RPS6KA2: variants seen among roughly 807,000 people sequenced by gnomAD.
RPS6KA2 encodes the protein ribosomal protein S6 kinase A2.
In RPS6KA2, 42 loss-of-function variants were observed where a neutral mutation model predicts 91.8. That is an observed-to-expected ratio of 0.46 (90% confidence interval 0.36 to 0.59). RPS6KA2 has a LOEUF of 0.59. Ranked by LOEUF, RPS6KA2 falls within the 20% of genes least tolerant of loss-of-function variation. RPS6KA2 has a pLI of 0.00. For synonymous variants in RPS6KA2, 414 were observed against 393.6 expected, an observed-to-expected ratio of 1.05 and a Z score of -0.61; for missense variants, 798 against 978.5, an observed-to-expected ratio of 0.82 and a Z score of 2.46.
rs1033882509 is a variant in RPS6KA2 at position 166,557,565 on chromosome 6, T to A, written c.100-18781A>T. ...CCTTAGAGTTTCTCTGGCACCTTTGTCAAATGACAGAAAAATCAGCTTTTG... is the reference window on the plus strand; with the variant it reads ...CCTTAGAGTTTCTCTGGCACCTTTGACAAATGACAGAAAAATCAGCTTTTG... On this transcript the variant is annotated intron_variant, in intron 1 of 20. Coordinates refer to ENST00000265678, the MANE Select transcript of RPS6KA2 (RefSeq NM_021135.6). The surrounding 1 kb of genome is among the most constrained non-coding windows in gnomAD (Gnocchi z 4.8). 6.6e-6 allele frequency among the ~76,000 whole-genome samples: 1 copy of A among 152,240 alleles called. No individual in the cohort carries two copies. The highest frequency in any genetic ancestry group is 1.5e-5 in the Non-Finnish European group (1 of 68,054).
intron 8 of RPS6KA2, among the ~76,000 whole-genome samples, chr6:166,491,037 T>C (rs546390882): frequency 6.6e-6 from 1 of 152,294 alleles, no homozygotes; most frequent in Admixed American, 6.5e-5. Context: ...CAGGGTCCTG[T>C]GGTCAGGCAG....
At chr6:166,453,816 G>A (rs1583156250) in intron 12 of RPS6KA2, among the ~76,000 whole-genome samples, 1 of 152,188 alleles carries the variant, frequency 6.6e-6, no homozygotes, top group Non-Finnish European at 1.5e-5. Context: ...CCATCAACAG[G>A]TGATTGGGTA....
At chr6:166,847,944 C>G (rs1780647193) in intron 2 of RPS6KA2, among the ~76,000 whole-genome samples, 1 of 152,118 alleles carries the variant, frequency 6.6e-6, no homozygotes, top group South Asian at 2.1e-4. Flanking sequence ...TTCTGCACAG[C>G]AAAAGAAATG....
Position 166,419,786 on chromosome 6 carries a change from C to A in RPS6KA2, c.1820+96G>T. The A allele has an allele frequency of 8.8e-7, 1 of 1,136,090 alleles. No individual in the cohort carries two copies. 70.4% of individuals were successfully genotyped at this position (1,136,090 alleles called of 1,614,324 possible). On this transcript the variant is annotated intron_variant, in intron 18 of 20. Transcript: ENST00000265678. The surrounding 1 kb of genome is among the most constrained non-coding windows in gnomAD (Gnocchi z 5.6). ...CACGTTGGGTTTGCCCACATGCGCA[C>A]ACTAGGACAGGGCTGGCCCTGGTCC...
chr6:166,546,208 AC>A (rs1783822770), intron 1 of RPS6KA2, among the ~76,000 whole-genome samples: 3 of 152,182 alleles, frequency 2.0e-5, no homozygotes, highest in Non-Finnish European at 4.4e-5. Context: ...ATGCACAGGA[AC>A]GATCTCCGAG....
intron 1 of RPS6KA2, among the ~76,000 whole-genome samples, chr6:166,605,718 T>A (rs116673693): frequency 3.9e-4 from 59 of 151,752 alleles, no homozygotes; most frequent in Middle Eastern, 3.4e-3. Flanking sequence ...CAGATACACC[T>A]CCCTCCACAC....
intron 2 of RPS6KA2, among the ~76,000 whole-genome samples, chr6:166,809,905 G>C (rs1173395316): frequency 3.9e-5 from 6 of 152,196 alleles, no homozygotes; most frequent in Admixed American, 2.0e-4. Context: ...TGATGCTGGG[G>C]GAATGAACAG....
At chr6:166,684,740 C>T (rs1004943752) in intron 2 of RPS6KA2, among the ~76,000 whole-genome samples, 1 of 152,216 alleles carries the variant, frequency 6.6e-6, no homozygotes. Context: ...GAAAGCCTCA[C>T]CTCCAGCCTA....
chr6:166,433,319 T>C lies in RPS6KA2; in HGVS notation c.1333-829A>G, dbSNP rs1779199664. On this transcript the variant is annotated intron_variant, in intron 14 of 20. Transcript: ENST00000265678. This position sits in a 1 kb window ranked among gnomAD's most constrained non-coding sequence, Gnocchi z 4.4. ...CCCCGCCCAGCATCTGTATCCGATG[T>C]CTTAGGATAACAGATAAAGTTGCTT... Among the ~76,000 whole-genome samples the C allele has an allele frequency of 6.6e-6, 1 of 151,972 alleles. No individual in the cohort carries two copies. Among genetic ancestry groups the C allele is most frequent in the Non-Finnish European group, 1.5e-5 (1 of 67,998 alleles).
At chr6:166,575,768 C>T (rs564326296) in intron 1 of RPS6KA2, among the ~76,000 whole-genome samples, 2 of 152,258 alleles carry the variant, frequency 1.3e-5, no homozygotes, top group East Asian at 1.9e-4. Flanking sequence ...AGAATTTCCT[C>T]CATGGATTGG....
At chr6:166,685,935 C>T (rs1247613781) in intron 2 of RPS6KA2, among the ~76,000 whole-genome samples, 1 of 152,146 alleles carries the variant, frequency 6.6e-6, no homozygotes, top group African/African-American at 2.4e-5. Flanking sequence ...GACGATGGGC[C>T]CATGCCCTAG....
Position 166,508,775 on chromosome 6 carries a change from T to C in RPS6KA2, c.380-493A>G, listed in dbSNP as rs1438901381. On this transcript the variant is annotated intron_variant, in intron 4 of 20. Coordinates refer to ENST00000265678, the MANE Select transcript of RPS6KA2 (RefSeq NM_021135.6). This position sits in a 1 kb window ranked among gnomAD's most constrained non-coding sequence, Gnocchi z 4.3. Reference sequence around the variant, plus strand: ...TCCTCTCTTGAGGCAGTTCTGGTGATAGGTCAGCCCAGTTATTTGAACATC... The same window carrying C: ...TCCTCTCTTGAGGCAGTTCTGGTGACAGGTCAGCCCAGTTATTTGAACATC... Among the ~76,000 whole-genome samples the C allele has an allele frequency of 6.6e-6, 1 of 152,190 alleles. No homozygotes were observed. Among genetic ancestry groups the C allele is most frequent in the Admixed American group, 6.5e-5 (1 of 15,290 alleles).
At chr6:166,466,815 TTCAC>T (rs1373153249) in intron 11 of RPS6KA2, among the ~76,000 whole-genome samples, 1 of 151,812 alleles carries the variant, frequency 6.6e-6, no homozygotes, top group Non-Finnish European at 1.5e-5. Context: ...CACTCCCTCA[TTCAC>T]TCACTCCCTC....
intron 2 of RPS6KA2, among the ~76,000 whole-genome samples, chr6:166,716,251 A>T (rs554540526): frequency 4.3e-4 from 65 of 152,306 alleles, no homozygotes; most frequent in African/African-American, 1.4e-3. Flanking sequence ...AATAAAGACC[A>T]AACCGCTTCT....
chr6:166,446,852 A>C (rs551276142), intron 14 of RPS6KA2, among the ~76,000 whole-genome samples: 2 of 152,220 alleles, frequency 1.3e-5, no homozygotes, highest in African/African-American at 2.4e-5. Flanking sequence ...CACCTGGTAA[A>C]TAATCTAAAG....
intron 16 of RPS6KA2, among the ~76,000 whole-genome samples, chr6:166,429,300 G>A (rs113979156): frequency 1.7e-5 from 2 of 117,516 alleles, no homozygotes; most frequent in Non-Finnish European, 3.4e-5. Flanking sequence ...GTGGGGGGAG[G>A]GGGGGAGGGA....
intron 17 of RPS6KA2, among the ~76,000 whole-genome samples, chr6:166,422,237 A>C (rs115648750): frequency 0.03 from 4,622 of 152,236 alleles, 234 homozygotes; most frequent in African/African-American, 0.11. Flanking sequence ...AGGTTGCTCA[A>C]GTGTCTGGAT....
At chr6:166,794,348 G>A (rs1257782220) in intron 2 of RPS6KA2, among the ~76,000 whole-genome samples, 1 of 152,120 alleles carries the variant, frequency 6.6e-6, no homozygotes, top group African/African-American at 2.4e-5. Flanking sequence ...TAAAAAGTGA[G>A]GAAACAACAG....
At chr6:166,551,494 C>G (rs1784022393) in intron 1 of RPS6KA2, among the ~76,000 whole-genome samples, 1 of 152,168 alleles carries the variant, frequency 6.6e-6, no homozygotes, top group Non-Finnish European at 1.5e-5. Context: ...GAAAAACAAT[C>G]AACACTCCAG....
Sources: gnomAD v4.1 joint callset for allele counts (sites outside exome capture counted in the v4.1 genomes callset) on GRCh38, gnomAD v4.1.1 for gene constraint, Gnocchi (gnomAD v3.1) non-coding constraint, MANE v1.5 for transcripts, NCBI Gene and HGNC (gene_info 2026-07-23, HGNC 2026-07-21) for gene names.